The following NAPB variants were observed in gnomAD, a reference collection of about 807,000 sequenced individuals.
The protein encoded by NAPB is NSF attachment protein beta.
A neutral mutation model predicts 44.7 loss-of-function variants in NAPB; 26 were observed. That is an observed-to-expected ratio of 0.58 (90% CI 0.43 to 0.81). The LOEUF is 0.81. Ranked by LOEUF, NAPB falls within the 30% of genes least tolerant of loss-of-function variation. The pLI, the probability that NAPB is intolerant of heterozygous loss-of-function variation, is 0.00. For synonymous variants in NAPB, 120 were observed against 116.8 expected (o/e 1.03, Z -0.18); for missense variants, 315 against 356.4 (o/e 0.88, Z 0.94).
chr20:23,385,328 G>T (rs750842284), intron 7 of NAPB, among the ~76,000 whole-genome samples: 4 of 152,136 alleles, frequency 2.6e-5, no homozygotes, highest in Non-Finnish European at 4.4e-5. Context: ...TGATAAAAGG[G>T]TCTCTCCAGC....
At chr20:23,393,742 G>A (rs1984145406) in intron 5 of NAPB, among the ~76,000 whole-genome samples, 1 of 152,114 alleles carries the variant, frequency 6.6e-6, no homozygotes, top group African/African-American at 2.4e-5. Context: ...TTCCTGGGGG[G>A]CTAAATTAAC....
At chr20:23,385,400 TCA>T (rs1164871899) in intron 7 of NAPB, among the ~76,000 whole-genome samples, 3 of 151,580 alleles carry the variant, frequency 2.0e-5, no homozygotes, top group Non-Finnish European at 4.4e-5. Context: ...GAAAGAAGAG[TCA>T]GACAAATCCA....
At position 23,377,322 on chromosome 20, in the gene NAPB, C is replaced by T. The variant is rs1212301772; in HGVS notation, c.*54G>A. On this transcript the variant is annotated 3_prime_UTR_variant, in exon 11 of 11. Transcript: ENST00000377026. ...TAGGCATCCCATAAAGATCACTTGACCCTAAGACAAAACTAAAGAGGAGTT... is the reference window on the plus strand; with the variant it reads ...TAGGCATCCCATAAAGATCACTTGATCCTAAGACAAAACTAAAGAGGAGTT... 8.3e-7 allele frequency: 1 copy of T among 1,204,606 alleles called. No individual in the cohort carries two copies. Among genetic ancestry groups the T allele is most frequent in the Non-Finnish European group, 1.2e-6 (1 of 841,086 alleles). The allele number at this position is 1,204,606 out of a possible 1,614,324, so 74.6% of individuals were successfully genotyped here.
At position 23,394,928 on chromosome 20, in the gene NAPB, A is replaced by C. The variant is rs1984238307; in HGVS notation, c.414T>G (p.Ile138Met). ...AEIYETELVDIEKAIAHYEQS... is the reference protein window; with the variant it reads ...AEIYETELVDMEKAIAHYEQS... ...AAGTGTGCCCACTGCTTACCTTCTC[A>C]ATGTCTACAAGTTCAGTCTCATAGA... Residue 138 changes from isoleucine to methionine, a missense_variant, in exon 5 of 11, where the codon ATT (isoleucine) becomes ATG (methionine). Coordinates refer to ENST00000377026, the MANE Select transcript of NAPB (RefSeq NM_022080.3). 6.2e-7 allele frequency: 1 copy of C among 1,614,002 alleles called. No homozygotes were observed. Among genetic ancestry groups the C allele is most frequent in the Non-Finnish European group, 8.5e-7 (1 of 1,179,886 alleles).
chr20:23,377,991 T>A (rs1982655443), intron 10 of NAPB, among the ~76,000 whole-genome samples: 1 of 152,130 alleles, frequency 6.6e-6, no homozygotes, highest in East Asian at 1.9e-4. Flanking sequence ...TGAGCTGTGA[T>A]GAACATGTTA....
chr20:23,390,296 T>C, intron 5 of NAPB, 32 bp from the exon 6 acceptor site: 1 of 1,562,286 alleles, frequency 6.4e-7, no homozygotes, highest in Non-Finnish European at 8.8e-7. Flanking sequence ...TCACACACAA[T>C]TTATTTGGAG....
chr20:23,418,414 C>T (rs1986149439), intron 1 of NAPB, among the ~76,000 whole-genome samples: 2 of 152,128 alleles, frequency 1.3e-5, no homozygotes, highest in Admixed American at 1.3e-4. Context: ...GGATTCTAAA[C>T]ATCTAAAATT....
chr20:23,387,712 C>T (rs1482644179), intron 7 of NAPB, among the ~76,000 whole-genome samples: 2 of 151,886 alleles, frequency 1.3e-5, no homozygotes, highest in African/African-American at 2.4e-5. Context: ...CCAAAAACTA[C>T]AAAACATTGT....
chr20:23,397,490 A>G (rs1984456583), intron 2 of NAPB, among the ~76,000 whole-genome samples: 1 of 152,226 alleles, frequency 6.6e-6, no homozygotes, highest in South Asian at 2.1e-4. Context: ...GGGCTACTCA[A>G]TTCAATTCCA....
At chr20:23,387,191 T>A (rs1983593289) in intron 7 of NAPB, among the ~76,000 whole-genome samples, 1 of 152,248 alleles carries the variant, frequency 6.6e-6, no homozygotes, top group East Asian at 1.9e-4. Context: ...TACCCTTTGA[T>A]GATAAAAACA....
intron 1 of NAPB, among the ~76,000 whole-genome samples, chr20:23,412,244 G>T (rs1169962653): frequency 6.6e-6 from 1 of 152,176 alleles, no homozygotes; most frequent in African/African-American, 2.4e-5. Flanking sequence ...CATGGCAGAA[G>T]TGCCTTCCAC....
chr20:23,405,241 C>T (rs955138024), intron 1 of NAPB, among the ~76,000 whole-genome samples: 12 of 151,568 alleles, frequency 7.9e-5, no homozygotes, highest in African/African-American at 2.7e-4. Context: ...CCACTGCACT[C>T]CAGCCCACCA....
chr20:23,391,346 C>T (rs1983945291), intron 5 of NAPB, among the ~76,000 whole-genome samples: 2 of 152,128 alleles, frequency 1.3e-5, no homozygotes, highest in East Asian at 1.9e-4. Context: ...AAGTGTCTAC[C>T]GGAGTCCAAA....
intron 1 of NAPB, among the ~76,000 whole-genome samples, chr20:23,409,165 G>A (rs1366012819): frequency 6.6e-6 from 1 of 152,162 alleles, no homozygotes; most frequent in African/African-American, 2.4e-5. Flanking sequence ...ATTCCACCAA[G>A]CCAGCTAGCA....
At chr20:23,380,709 G>C in intron 8 of NAPB, 1 of 153,130 alleles carries the variant, frequency 6.5e-6, no homozygotes, top group Non-Finnish European at 1.5e-5. Context: ...ATTTTTAGTA[G>C]AAACGGGGTT....
intron 7 of NAPB, among the ~76,000 whole-genome samples, chr20:23,385,909 T>C (rs1179921907): frequency 6.6e-6 from 1 of 152,134 alleles, no homozygotes; most frequent in Non-Finnish European, 1.5e-5. Context: ...TATGCCAAGA[T>C]AGACCATATC....
At chr20:23,399,800 C>A (rs532585413) in intron 2 of NAPB, among the ~76,000 whole-genome samples, 186 of 152,332 alleles carry the variant, frequency 1.2e-3, no homozygotes, top group Non-Finnish European at 1.9e-3. Flanking sequence ...TGGGCTCTGC[C>A]TCAGAAGAAC....
Position 23,379,479 on chromosome 20 carries a change from T to C in NAPB, c.752A>G (p.His251Arg), listed in dbSNP as rs1263231704. Residue 251 changes from histidine to arginine, a missense_variant, in exon 10 of 11, where the codon CAT becomes CGT. Transcript: ENST00000377026. ...GTAAGCTTCACTGTTCTGTTCTTCA[T>C]GAGCTTCTAGGAGTTTCTGGTAGCA... ...CKLLKKLLEA[H>R]EEQNSEAYTE... The C allele has an allele frequency of 6.2e-7, 1 of 1,608,778 alleles. No individual in the cohort carries two copies. The highest frequency in any genetic ancestry group is 8.5e-7 in the Non-Finnish European group (1 of 1,177,846).
intron 6 of NAPB, 24 bp from the exon 7 acceptor site, chr20:23,390,054 G>C: frequency 1.9e-6 from 3 of 1,611,678 alleles, no homozygotes; most frequent in Non-Finnish European, 2.5e-6. Flanking sequence ...CCAAAGCAGA[G>C]TGAGTAACAA....
Sources: allele counts gnomAD v4.1 joint callset (sites outside exome capture counted in the v4.1 genomes callset), GRCh38; gene constraint gnomAD v4.1.1; transcripts MANE v1.5; gene names NCBI Gene and HGNC (gene_info 2026-07-23, HGNC 2026-07-21).